The following KCTD5 variants were observed in gnomAD, a reference collection of about 807,000 sequenced individuals.
The protein encoded by KCTD5 is BTB/POZ domain-containing protein KCTD5.
A neutral mutation model predicts 27.9 loss-of-function variants in KCTD5; 12 were observed. The ratio of observed to expected loss-of-function variants is 0.43; its 90% CI spans 0.28 to 0.70. The LOEUF (loss-of-function observed/expected upper bound fraction) is 0.70. Ranked by LOEUF, KCTD5 falls within the 30% of genes least tolerant of loss-of-function variation. The pLI is 0.19. For synonymous variants in KCTD5, 147 were observed against 121.4 expected (o/e 1.21, Z -1.39); for missense variants, 226 against 274.8 (o/e 0.82, Z 1.26).
intron 1 of KCTD5, among the ~76,000 whole-genome samples, chr16:2,688,263 T>C (rs1174547373): frequency 1.5e-5 from 2 of 134,518 alleles, no homozygotes; most frequent in Non-Finnish European, 3.2e-5. Flanking sequence ...ATTTATTTAT[T>C]TATTTGAGAC....
chr16:2,682,614 C>T lies in KCTD5; in HGVS notation c.66C>T (p.Gly22=), dbSNP rs752700001. The change falls in exon 1 of 6, where the codon GGC becomes GGT. Residue 22 remains glycine (G), a synonymous_variant. Coordinates refer to ENST00000301738, the MANE Select transcript of KCTD5 (RefSeq NM_018992.4). ...ARGGIGAGLG[G]GLCRRCSAGL... is the part of the protein sequence containing the mutation. ...GCGGCATCGGGGCGGGGCTGGGGGGCGGCCTGTGCCGCCGCTGCAGCGCTG... is the reference window on the plus strand; with the variant it reads ...GCGGCATCGGGGCGGGGCTGGGGGGTGGCCTGTGCCGCCGCTGCAGCGCTG... 5.2e-6 allele frequency: 8 copies of T among 1,535,138 alleles called. No homozygotes were observed. Among genetic ancestry groups the T allele is most frequent in the South Asian group, 3.6e-5 (3 of 82,474 alleles).
rs557851406 is a variant in KCTD5 at position 2,690,229 on chromosome 16, G to A, written c.253-5706G>A. Among the ~76,000 whole-genome samples the A allele has an allele frequency of 1.2e-4, 19 of 152,364 alleles. No individual in the cohort carries two copies. The East Asian group carries it at 3.7e-3, about 29-fold the overall frequency. On this transcript the variant is annotated intron_variant, in intron 1 of 5. Transcript: ENST00000301738. Reference sequence around the variant, plus strand: ...TGGGCGAGCAGTCAGCTCTGTCTGCGGAGTCTTCCTCCGTCTGCCAGGGCT... The same window carrying A: ...TGGGCGAGCAGTCAGCTCTGTCTGCAGAGTCTTCCTCCGTCTGCCAGGGCT...
intron 3 of KCTD5, chr16:2,699,028 C>T (rs977519972): frequency 5.0e-5 from 21 of 421,606 alleles, no homozygotes; most frequent in Non-Finnish European, 9.6e-5. Context: ...CAGAATAAAG[C>T]AACTCGGGCA....
At chr16:2,693,183 C>T (rs1039622276) in intron 1 of KCTD5, among the ~76,000 whole-genome samples, 1 of 152,252 alleles carries the variant, frequency 6.6e-6, no homozygotes, top group African/African-American at 2.4e-5. Context: ...TGCATCGGGG[C>T]CCCTCTCCAC....
intron 4 of KCTD5, among the ~76,000 whole-genome samples, chr16:2,700,256 G>T (rs2067605225): frequency 6.6e-6 from 1 of 152,232 alleles, no homozygotes; most frequent in African/African-American, 2.4e-5. Context: ...CCACTATCCA[G>T]CGCAATCCCC....
chr16:2,698,754 A>G (rs1387621518), intron 3 of KCTD5, among the ~76,000 whole-genome samples: 1 of 152,216 alleles, frequency 6.6e-6, no homozygotes, highest in Non-Finnish European at 1.5e-5. Context: ...CCACCTAGCG[A>G]CTTGCCCAGT....
Position 2,687,819 on chromosome 16 carries a change from A to G in KCTD5, c.252+5019A>G, listed in dbSNP as rs566189635. On this transcript the variant is annotated intron_variant, in intron 1 of 5. Coordinates refer to ENST00000301738, the MANE Select transcript of KCTD5 (RefSeq NM_018992.4). ...GGGAAGAACCTGCCTGCCTGGCGCC[A>G]TGGGAGGGGTCCTTGTAGCAAAGGT... Among the ~76,000 whole-genome samples the G allele has an allele frequency of 3.3e-5, 5 of 152,200 alleles. No homozygotes were observed. In the East Asian group the frequency reaches 9.7e-4, roughly 29 times the overall value.
In KCTD5 at chr16:2,691,149, G is replaced by A. The variant is rs954753039; in HGVS notation, c.253-4786G>A. Reference sequence around the variant, plus strand: ...CGAGACCCGAACCCTGGTGGGATTTGGGGGTCCTGGTTTAAGACCCTGGCA... The same window carrying A: ...CGAGACCCGAACCCTGGTGGGATTTAGGGGTCCTGGTTTAAGACCCTGGCA... On this transcript the variant is annotated intron_variant, in intron 1 of 5. Coordinates refer to ENST00000301738, the MANE Select transcript of KCTD5 (RefSeq NM_018992.4). Among the ~76,000 whole-genome samples the A allele has an allele frequency of 2.6e-5, 4 of 152,208 alleles. No individual in the cohort carries two copies. In the East Asian group the frequency reaches 7.7e-4, roughly 29 times the overall value.
intron 1 of KCTD5, 163 bp downstream of exon 1, chr16:2,682,963 G>A: frequency 1.2e-6 from 1 of 811,248 alleles, no homozygotes; most frequent in Non-Finnish European, 1.8e-6. Flanking sequence ...AGCTTGCCCC[G>A]ATCCCCTACC....
At chr16:2,691,610 G>A (rs1320973325) in intron 1 of KCTD5, among the ~76,000 whole-genome samples, 1 of 152,198 alleles carries the variant, frequency 6.6e-6, no homozygotes, top group Non-Finnish European at 1.5e-5. Context: ...AACCACGTGG[G>A]AGGAGTGTAC....
At chr16:2,690,294 G>A (rs2067560342) in intron 1 of KCTD5, among the ~76,000 whole-genome samples, 1 of 152,226 alleles carries the variant, frequency 6.6e-6, no homozygotes, top group African/African-American at 2.4e-5. Flanking sequence ...ATGTGCTCCC[G>A]TGGCCAGGGT....
chr16:2,707,418 A>G lies in KCTD5; in HGVS notation c.*91A>G. The G allele has an allele frequency of 7.6e-7, 1 of 1,314,514 alleles. No individual in the cohort carries two copies. The highest frequency in any genetic ancestry group is 1.1e-6 in the Non-Finnish European group (1 of 907,324). The allele number at this position is 1,314,514 out of a possible 1,614,324, so 81.4% of individuals were successfully genotyped here. A position where few individuals can be genotyped will look rare whatever the true frequency, so the allele number is the denominator to read the frequency against. On this transcript the variant is annotated 3_prime_UTR_variant, in exon 6 of 6. Transcript: ENST00000301738. ...CCAGGAAGCTTGGCTGTGAGAAGAA[A>G]CCTGCTTTTGATCATTTTTCTAGAG... is the stretch of plus-strand genomic sequence containing the variant.
In KCTD5 at chr16:2,702,446, G is replaced by A. The variant is rs781429770; in HGVS notation, c.643G>A (p.Gly215Ser). ...VSKELHNTPY[G>S]TASEPSEKAK... ...CAAGGAGCTGCACAACACCCCGTAC[G>A]GTACGGCCAGCGAGCCCAGCGAGAA... The change falls in exon 5 of 6, where the codon GGT becomes AGT. Residue 215 changes from glycine to serine, a missense_variant. Physicochemically the swap from Gly to Ser is moderately conservative, Grantham distance 56. Coordinates refer to ENST00000301738, the MANE Select transcript of KCTD5 (RefSeq NM_018992.4). 18 of 1,613,084 alleles carry A rather than the reference G, an allele frequency of 1.1e-5. No individual in the cohort carries two copies. Among genetic ancestry groups the A allele is most frequent in the South Asian group, 5.5e-5 (5 of 91,076 alleles).
rs1043232652 is a variant in KCTD5, at chr16:2,707,561, G to T, written c.*234G>T. On this transcript the variant is annotated 3_prime_UTR_variant, in exon 6 of 6. Coordinates refer to ENST00000301738, the MANE Select transcript of KCTD5 (RefSeq NM_018992.4). The stretch of plus-strand genomic sequence containing the variant: ...GGCGGCCGGGTGGGCGCTGCCTCTT[G>T]GGGGGGCCTCGCTCTGTTTTTTCCA... 7 of 635,516 alleles carry T rather than the reference G, an allele frequency of 1.1e-5. No individual in the cohort carries two copies. Among genetic ancestry groups the T allele is most frequent in the South Asian group, 5.4e-5 (3 of 56,004 alleles). The allele number at this position is 635,516 out of a possible 1,614,324, so 39.4% of individuals were successfully genotyped here.
chr16:2,699,938 G>C (rs376014417), intron 4 of KCTD5, 22 bp downstream of exon 4: 416 of 1,605,890 alleles, frequency 2.6e-4, no homozygotes, highest in Non-Finnish European at 3.5e-4. Flanking sequence ...TGGCCAGCCT[G>C]GTGGCAGCCA....
At chr16:2,699,096 C>A (rs560892318) in intron 3 of KCTD5, 1 of 454,736 alleles carries the variant, frequency 2.2e-6, no homozygotes, top group African/African-American at 2.0e-5. Flanking sequence ...CATGAGTCAC[C>A]ACCTTAAGGT....
chr16:2,707,534 A>G lies in KCTD5; in HGVS notation c.*207A>G. On this transcript the variant is annotated 3_prime_UTR_variant, in exon 6 of 6. Coordinates refer to ENST00000301738, the MANE Select transcript of KCTD5 (RefSeq NM_018992.4). ...CCAGACGTCCCCAAGTTGGGGGAGC[A>G]CGGCGGCCGGGTGGGCGCTGCCTCT... is the stretch of plus-strand genomic sequence containing the variant. The G allele has an allele frequency of 3.0e-6, 2 of 677,354 alleles. No homozygotes were observed. Among genetic ancestry groups the G allele is most frequent in the East Asian group, 5.4e-5 (2 of 36,850 alleles). The allele number at this position is 677,354 out of a possible 1,614,324, so 42.0% of individuals were successfully genotyped here.
At chr16:2,706,291 G>T (rs1268837260) in intron 5 of KCTD5, among the ~76,000 whole-genome samples, 1 of 152,168 alleles carries the variant, frequency 6.6e-6, no homozygotes, top group Non-Finnish European at 1.5e-5. Flanking sequence ...TCTCACCACT[G>T]CCCTCTCTCC....
At chr16:2,683,009 C>T in intron 1 of KCTD5, 1 of 551,546 alleles carries the variant, frequency 1.8e-6, no homozygotes, top group African/African-American at 2.0e-5. Flanking sequence ...CCCTGGCGTC[C>T]ACTGCCTTTG....
Sources: allele counts gnomAD v4.1 joint callset (sites outside exome capture counted in the v4.1 genomes callset), GRCh38; gene constraint gnomAD v4.1.1; transcripts MANE v1.5; gene names NCBI Gene and HGNC (gene_info 2026-07-23, HGNC 2026-07-21).